RANBP17: variants seen among roughly 807,000 people sequenced by gnomAD.
The protein encoded by RANBP17 is ran-binding protein 17.
A neutral mutation model predicts 141.2 loss-of-function variants in RANBP17; 158 were observed. The ratio of observed to expected loss-of-function variants is 1.12; its 90% CI spans 0.98 to 1.28. The LOEUF (loss-of-function observed/expected upper bound fraction) is 1.28, where lower values mean the gene tolerates loss of function less well. Among genes scored for constraint, RANBP17 ranks in the 50% most tolerant of loss-of-function variants. The probability of loss-of-function intolerance (pLI) is 0.00; values close to 1 mark genes in which losing one functional copy is unlikely to be tolerated. For synonymous variants in RANBP17, 430 were observed against 450.0 expected (o/e 0.96, Z 0.56); for missense variants, 1,438 against 1,290.7 (o/e 1.11, Z -1.75).
At chr5:171,296,108 A>G (rs1561837154) in intron 27 of RANBP17, 94 bp downstream of exon 27, 1 of 1,276,726 alleles carries the variant, frequency 7.8e-7, no homozygotes. Context: ...TCACACATGG[A>G]TGTCCCTTTT....
At chr5:170,962,466 T>G (rs902035707) in intron 13 of RANBP17, among the ~76,000 whole-genome samples, 1 of 152,162 alleles carries the variant, frequency 6.6e-6, no homozygotes, top group East Asian at 1.9e-4. Flanking sequence ...ACACAGAACT[T>G]GAGTAGGAGA....
At position 170,955,662 on chromosome 5, in the gene RANBP17, A is replaced by G. The variant is rs1252444424; in HGVS notation, c.1574+1960A>G. Among the ~76,000 whole-genome samples the G allele has an allele frequency of 2.2e-4, 13 of 59,044 alleles. 1 individual carries two copies. The highest frequency in any genetic ancestry group is 1.6e-3 in the South Asian group (1 of 636). The allele number at this position is 59,044 out of a possible 152,430, so 38.7% of individuals were successfully genotyped here. On this transcript the variant is annotated intron_variant, in intron 13 of 27. Coordinates refer to ENST00000523189, the MANE Select transcript of RANBP17 (RefSeq NM_022897.5). ...ATATGCTCAGTGTATATATATATATATATATATATATATATATATACACTG... is the reference window on the plus strand; with the variant it reads ...ATATGCTCAGTGTATATATATATATGTATATATATATATATATATACACTG...
At chr5:171,065,679 G>C (rs533462906) in intron 14 of RANBP17, among the ~76,000 whole-genome samples, 1 of 152,050 alleles carries the variant, frequency 6.6e-6, no homozygotes, top group East Asian at 1.9e-4. Flanking sequence ...TATGTAATTG[G>C]ATCTAATTCT....
Position 171,121,988 on chromosome 5 carries a change from A to G in RANBP17, c.1711-48142A>G, listed in dbSNP as rs74704099. ...TCCAGCAATACTTTAAACTGGGCTC[A>G]GGGATTGAGAGGACTGTTGCATTCT... On this transcript the variant is annotated intron_variant, in intron 14 of 27. Transcript: ENST00000523189. Among the ~76,000 whole-genome samples the G allele has an allele frequency of 7.5e-3, 1,146 of 152,292 alleles. 13 individuals are homozygous for G. Among genetic ancestry groups the G allele is most frequent in the African/African-American group, 0.026 (1,085 of 41,558 alleles).
chr5:171,221,934 T>C (rs1460496141), intron 22 of RANBP17, 94 bp downstream of exon 22: 11 of 817,026 alleles, frequency 1.3e-5, no homozygotes, highest in Non-Finnish European at 2.0e-6. Context: ...TGAACTTTCA[T>C]ATCTTTATGA....
At position 171,296,083 on chromosome 5, in the gene RANBP17, C is replaced by T; in HGVS notation, c.3170+69C>T. The T allele has an allele frequency of 7.3e-6, 11 of 1,508,634 alleles. No homozygotes were observed. The South Asian group carries it at 8.4e-5, about 11-fold the overall frequency. The allele number at this position is 1,508,634 out of a possible 1,614,324, so 93.5% of individuals were successfully genotyped here. A position where few individuals can be genotyped will look rare whatever the true frequency, so the allele number is the denominator to read the frequency against. Reference sequence around the variant, plus strand: ...CCAGGTTTGTTGAAAATAACTCTCTCGTGCTTGACACAGCTCACACATGGA... The same window carrying T: ...CCAGGTTTGTTGAAAATAACTCTCTTGTGCTTGACACAGCTCACACATGGA... On this transcript the variant is annotated intron_variant, in intron 27 of 27. Coordinates refer to ENST00000523189, the MANE Select transcript of RANBP17 (RefSeq NM_022897.5).
chr5:170,870,929 G>T (rs533010293), intron 1 of RANBP17, among the ~76,000 whole-genome samples: 1 of 152,258 alleles, frequency 6.6e-6, no homozygotes, highest in South Asian at 2.1e-4. Flanking sequence ...GGTGTGAAAT[G>T]GTATCTGGTT....
Position 171,205,587 on chromosome 5 carries a change from A to T in RANBP17, c.2206A>T (p.Ser736Cys). 2 of 1,613,900 alleles carry T rather than the reference A, an allele frequency of 1.2e-6. No individual in the cohort carries two copies. Among genetic ancestry groups the T allele is most frequent in the Non-Finnish European group, 1.7e-6 (2 of 1,179,814 alleles). Reference protein sequence around the residue: ...GIAFALNTKTSYTMLFDWMYP... With the variant: ...GIAFALNTKTCYTMLFDWMYP... The stretch of plus-strand genomic sequence containing the variant: ...TGCCTTTGCACTGAACACAAAGACC[A>T]GCTACACCATGCTGTTTGACTGGAT... The change falls in exon 20 of 28, where the codon AGC becomes TGC. Residue 736 changes from serine to cysteine, a missense_variant. Transcript: ENST00000523189.
chr5:171,285,254 T>C (rs532750764), intron 25 of RANBP17, among the ~76,000 whole-genome samples: 163 of 152,358 alleles, frequency 1.1e-3, no homozygotes, highest in Non-Finnish European at 1.7e-3. Flanking sequence ...AGAGCACATG[T>C]GCCTGTGTTA....
chr5:171,038,665 G>A (rs995943859), intron 14 of RANBP17, among the ~76,000 whole-genome samples: 10 of 151,910 alleles, frequency 6.6e-5, no homozygotes, highest in Admixed American at 5.3e-4. Flanking sequence ...ATGGTAAGTT[G>A]GATTTTATTG....
chr5:171,034,538 G>A (rs960201817), intron 14 of RANBP17, among the ~76,000 whole-genome samples: 1 of 152,166 alleles, frequency 6.6e-6, no homozygotes, highest in Admixed American at 6.6e-5. Context: ...GAAGAAAACT[G>A]TAAAACATCC....
chr5:171,266,085 A>G (rs765399519), intron 25 of RANBP17, among the ~76,000 whole-genome samples: 1 of 152,218 alleles, frequency 6.6e-6, no homozygotes, highest in Admixed American at 6.5e-5. Context: ...CTAGAATTCA[A>G]AAAGAGGATA....
At chr5:170,996,122 G>A (rs1181066337) in intron 14 of RANBP17, among the ~76,000 whole-genome samples, 1 of 152,024 alleles carries the variant, frequency 6.6e-6, no homozygotes, top group East Asian at 1.9e-4. Flanking sequence ...TTATTTTTAA[G>A]AAAAGCTCAT....
intron 1 of RANBP17, among the ~76,000 whole-genome samples, chr5:170,869,687 CT>C (rs1767555220): frequency 6.6e-6 from 1 of 152,128 alleles, no homozygotes. Context: ...CCTCCTTTCT[CT>C]TATAGGAATA....
At chr5:171,155,602 A>G (rs905583868) in intron 14 of RANBP17, among the ~76,000 whole-genome samples, 3 of 152,300 alleles carry the variant, frequency 2.0e-5, no homozygotes, top group African/African-American at 7.2e-5. Flanking sequence ...TTCAAAAAAG[A>G]TAACTCCCAC....
chr5:170,972,234 T>A (rs529562900), intron 14 of RANBP17, among the ~76,000 whole-genome samples: 1 of 142,362 alleles, frequency 7.0e-6, no homozygotes, highest in East Asian at 2.1e-4. Context: ...CAGGCTGGAG[T>A]GCAATGGCGC....
At chr5:171,035,737 GTTTTTTTTTTTT>G (rs781327156) in intron 14 of RANBP17, among the ~76,000 whole-genome samples, 5 of 95,396 alleles carry the variant, frequency 5.2e-5, no homozygotes, top group Admixed American at 1.1e-4. Context: ...TTCTTTTTTT[GTTTTTTTTTTTT>G]TTTTTTTAAG....
chr5:170,906,792 A>G (rs1771109261), intron 5 of RANBP17, among the ~76,000 whole-genome samples: 2 of 151,838 alleles, frequency 1.3e-5, no homozygotes, highest in Admixed American at 6.6e-5. Flanking sequence ...TTTTGTGTCC[A>G]TTTGATATTT....
chr5:170,874,484 C>T (rs1282939405), intron 1 of RANBP17, among the ~76,000 whole-genome samples: 3 of 152,064 alleles, frequency 2.0e-5, no homozygotes, highest in Admixed American at 6.5e-5. Flanking sequence ...GTAGGTCTCT[C>T]GGAACTCATT....
Sources: gnomAD v4.1 joint callset for allele counts (sites outside exome capture counted in the v4.1 genomes callset) on GRCh38, gnomAD v4.1.1 for gene constraint, MANE v1.5 for transcripts, NCBI Gene and HGNC (gene_info 2026-07-23, HGNC 2026-07-21) for gene names.